RBMS3: variants seen among roughly 807,000 people sequenced by gnomAD.
RBMS3 encodes RNA-binding motif, single-stranded-interacting protein 3.
In RBMS3, 27 loss-of-function variants were observed where a neutral mutation model predicts 66.8. The observed-to-expected ratio is 0.40, with a 90% CI of 0.30 to 0.56. The LOEUF (loss-of-function observed/expected upper bound fraction) is 0.56, where lower values mean the gene tolerates loss of function less well. Among genes scored for constraint, RBMS3 ranks in the 20% least tolerant of loss-of-function variants. The pLI is 0.40. For synonymous variants in RBMS3, 188 were observed against 183.0 expected, an observed-to-expected ratio of 1.03 and a Z score of -0.22; for missense variants, 513 against 549.5, an observed-to-expected ratio of 0.93 and a Z score of 0.66.
chr3:29,752,125 G>A (rs1461531699), intron 5 of RBMS3, among the ~76,000 whole-genome samples: 4 of 152,164 alleles, frequency 2.6e-5, no homozygotes, highest in African/African-American at 4.8e-5. Context: ...TTATCGTGTG[G>A]TGGAAGTAGT....
intron 1 of RBMS3, among the ~76,000 whole-genome samples, chr3:29,417,458 C>T (rs1174654415): frequency 6.6e-6 from 1 of 151,908 alleles, no homozygotes; most frequent in Admixed American, 6.6e-5. Context: ...TCCGTTTTTA[C>T]CTTCAGTTAG....
intron 4 of RBMS3, among the ~76,000 whole-genome samples, chr3:29,669,602 G>A (rs1038482874): frequency 6.6e-6 from 1 of 152,066 alleles, no homozygotes; most frequent in East Asian, 1.9e-4. Flanking sequence ...AAAAATTATT[G>A]ATTTAAAAAC....
intron 1 of RBMS3, among the ~76,000 whole-genome samples, chr3:29,338,744 T>C (rs183145715): frequency 6.8e-5 from 10 of 148,002 alleles, no homozygotes; most frequent in African/African-American, 2.2e-4. Context: ...TCCTCATCCT[T>C]ATTCCATAAA....
chr3:29,546,069 G>A (rs2045936250), intron 3 of RBMS3, among the ~76,000 whole-genome samples: 1 of 150,714 alleles, frequency 6.6e-6, no homozygotes, highest in Non-Finnish European at 1.5e-5. Flanking sequence ...GCTTTATTTA[G>A]TGCTTTATAT....
chr3:29,508,791 G>A (rs2044283152), intron 3 of RBMS3, among the ~76,000 whole-genome samples: 1 of 149,866 alleles, frequency 6.7e-6, no homozygotes, highest in Non-Finnish European at 1.5e-5. Context: ...TTCCACAATT[G>A]TTGAACTAAT....
intron 4 of RBMS3, among the ~76,000 whole-genome samples, chr3:29,732,478 G>A (rs1421400730): frequency 6.6e-6 from 1 of 152,080 alleles, no homozygotes; most frequent in Non-Finnish European, 1.5e-5. Flanking sequence ...ACCAATCTGG[G>A]CACACTGTGT....
intron 4 of RBMS3, among the ~76,000 whole-genome samples, chr3:29,705,029 A>T (rs2165318): frequency 0.99 from 150,926 of 152,338 alleles, 74,768 homozygotes; most frequent in East Asian, 1. Flanking sequence ...TGCTTTCTGG[A>T]GTCAGTTCCC....
chr3:29,377,610 C>A (rs1051959839), intron 1 of RBMS3, among the ~76,000 whole-genome samples: 5 of 152,184 alleles, frequency 3.3e-5, no homozygotes, highest in Admixed American at 2.6e-4. Context: ...GAGAGGTATT[C>A]CTTTCCAAGA....
chr3:29,569,706 T>TA (rs968906321), intron 3 of RBMS3, among the ~76,000 whole-genome samples: 15 of 151,944 alleles, frequency 9.9e-5, no homozygotes, highest in East Asian at 9.7e-4. Context: ...AGTCTTTTTT[T>TA]AAAAAAAAGA....
intron 4 of RBMS3, among the ~76,000 whole-genome samples, chr3:29,657,383 C>G (rs2050362630): frequency 6.6e-6 from 1 of 152,144 alleles, no homozygotes; most frequent in African/African-American, 2.4e-5. Flanking sequence ...TTTAACCTTT[C>G]TGTTTTCTCC....
chr3:29,749,854 A>T (rs979666517), intron 5 of RBMS3, among the ~76,000 whole-genome samples: 21 of 152,280 alleles, frequency 1.4e-4, no homozygotes, highest in Non-Finnish European at 2.8e-4. Context: ...ATGTGTCCTG[A>T]TACCAAAAAA....
intron 4 of RBMS3, among the ~76,000 whole-genome samples, chr3:29,592,503 AAAC>A (rs2047777422): frequency 6.6e-6 from 1 of 152,188 alleles, no homozygotes; most frequent in Admixed American, 6.5e-5. Context: ...AAAAGTCAGG[AAAC>A]AACAGGTGCT....
At chr3:29,778,429 C>CTT (rs36069878) in intron 6 of RBMS3, among the ~76,000 whole-genome samples, 28 of 143,114 alleles carry the variant, frequency 2.0e-4, no homozygotes, top group African/African-American at 3.5e-4. Flanking sequence ...TATCAATAAA[C>CTT]TTTTTTTTTT....
At chr3:29,554,263 A>G (rs561740668) in intron 3 of RBMS3, among the ~76,000 whole-genome samples, 20 of 152,334 alleles carry the variant, frequency 1.3e-4, no homozygotes, top group African/African-American at 4.8e-4. Context: ...CAAGAGTCCA[A>G]TGAATTGATG....
intron 4 of RBMS3, among the ~76,000 whole-genome samples, chr3:29,634,900 A>C (rs2049419379): frequency 6.6e-6 from 1 of 151,820 alleles, no homozygotes; most frequent in Admixed American, 6.6e-5. Context: ...GAAGTACACT[A>C]GTTTGAGGCT....
chr3:29,933,732 T>C (rs2061191062), intron 10 of RBMS3: 1 of 152,150 alleles, frequency 6.6e-6, no homozygotes, highest in Admixed American at 6.6e-5. Flanking sequence ...TACATTATTT[T>C]CCACTCTGTG....
chr3:29,701,028 T>C (rs1419698690), intron 4 of RBMS3, among the ~76,000 whole-genome samples: 2 of 152,116 alleles, frequency 1.3e-5, no homozygotes, highest in Admixed American at 6.5e-5. Context: ...AAGAACTGTT[T>C]AAAAGTTTTA....
chr3:29,749,150 A>T (rs1177985026), intron 5 of RBMS3, among the ~76,000 whole-genome samples: 1 of 152,226 alleles, frequency 6.6e-6, no homozygotes, highest in Admixed American at 6.5e-5. Context: ...AACCTGTTCC[A>T]CTGGTGAGTA....
intron 1 of RBMS3, among the ~76,000 whole-genome samples, chr3:29,380,837 G>C (rs1401345057): frequency 6.6e-6 from 1 of 152,178 alleles, no homozygotes; most frequent in Non-Finnish European, 1.5e-5. Flanking sequence ...AGACCACTTT[G>C]AGTGTAGTGT....
Sources: gnomAD v4.1 joint callset for allele counts (sites outside exome capture counted in the v4.1 genomes callset) on GRCh38, gnomAD v4.1.1 for gene constraint, MANE v1.5 for transcripts, NCBI Gene and HGNC (gene_info 2026-07-23, HGNC 2026-07-21) for gene names.